ROBO1: variants seen among roughly 807,000 people sequenced by gnomAD.
ROBO1 encodes roundabout homolog 1.
In ROBO1, 149 loss-of-function variants were observed where a neutral mutation model predicts 195.9. The ratio of observed to expected loss-of-function variants is 0.76; its 90% CI spans 0.67 to 0.87. The LOEUF (loss-of-function observed/expected upper bound fraction) is 0.87, where lower values mean the gene tolerates loss of function less well. ROBO1 is among the 40% of genes least tolerant of loss of function. The pLI, the probability that ROBO1 is intolerant of heterozygous loss-of-function variation, is 0.00. For synonymous variants in ROBO1, 816 were observed against 733.2 expected, an observed-to-expected ratio of 1.11 and a Z score of -1.82; for missense variants, 1,933 against 2,068.3, an observed-to-expected ratio of 0.93 and a Z score of 1.27.
At chr3:79,011,068 C>T (rs1425184067) in intron 3 of ROBO1, among the ~76,000 whole-genome samples, 1 of 152,096 alleles carries the variant, frequency 6.6e-6, no homozygotes, top group African/African-American at 2.4e-5. Context: ...GCTAATGGAA[C>T]GGTCTGGATA....
intron 2 of ROBO1, among the ~76,000 whole-genome samples, chr3:79,225,049 C>T (rs1212063460): frequency 1.3e-5 from 2 of 151,764 alleles, no homozygotes; most frequent in Non-Finnish European, 2.9e-5. Context: ...AAAGAGTGAG[C>T]CATGGAGATA....
intron 2 of ROBO1, among the ~76,000 whole-genome samples, chr3:79,503,912 ATATTCT>A (rs1940253225): frequency 6.6e-6 from 1 of 152,196 alleles, no homozygotes; most frequent in Non-Finnish European, 1.5e-5. Flanking sequence ...AGGAAGTTTC[ATATTCT>A]TATTATCTAC....
chr3:79,749,439 G>A (rs1704028726), intron 1 of ROBO1, among the ~76,000 whole-genome samples: 2 of 152,202 alleles, frequency 1.3e-5, no homozygotes, highest in Non-Finnish European at 1.5e-5. Context: ...GCAGAAATTT[G>A]CATAAATAAT....
intron 5 of ROBO1, among the ~76,000 whole-genome samples, chr3:78,733,569 A>C (rs2082328802): frequency 6.6e-6 from 1 of 152,158 alleles, no homozygotes; most frequent in Admixed American, 6.5e-5. Context: ...TTCCAAATTA[A>C]AGATAAAATG....
chr3:79,395,180 G>A (rs920639143), intron 2 of ROBO1, among the ~76,000 whole-genome samples: 21 of 151,818 alleles, frequency 1.4e-4, no homozygotes, highest in Admixed American at 1.2e-3. Context: ...AAAATTCTCC[G>A]GGCGTGGTGG....
At chr3:78,822,093 TACACAC>T (rs113114251) in intron 4 of ROBO1, among the ~76,000 whole-genome samples, 54 of 146,954 alleles carry the variant, frequency 3.7e-4, no homozygotes, top group African/African-American at 1.1e-3. Flanking sequence ...CACATATACA[TACACAC>T]ACACACACAC....
chr3:79,523,915 G>A (rs1044681859), intron 2 of ROBO1, among the ~76,000 whole-genome samples: 12 of 152,110 alleles, frequency 7.9e-5, no homozygotes, highest in African/African-American at 2.9e-4. Context: ...GAAGAATTAT[G>A]ATTTTCATAA....
chr3:79,526,876 G>T (rs1204699606), intron 2 of ROBO1, among the ~76,000 whole-genome samples: 1 of 152,102 alleles, frequency 6.6e-6, no homozygotes, highest in Non-Finnish European at 1.5e-5. Flanking sequence ...TCAAACAAGA[G>T]AACATTTTTC....
At chr3:79,047,989 T>A (rs920064194) in intron 3 of ROBO1, among the ~76,000 whole-genome samples, 3 of 152,156 alleles carry the variant, frequency 2.0e-5, no homozygotes, top group African/African-American at 7.2e-5. Flanking sequence ...TGGAAACTTC[T>A]GGAGTCTTTG....
intron 2 of ROBO1, among the ~76,000 whole-genome samples, chr3:79,165,442 A>G (rs2081047573): frequency 6.6e-6 from 1 of 152,228 alleles, no homozygotes; most frequent in African/African-American, 2.4e-5. Context: ...TGAACTCAGT[A>G]TCCCCTCCAA....
At chr3:79,223,838 ACT>A (rs1042949497) in intron 2 of ROBO1, among the ~76,000 whole-genome samples, 16 of 152,276 alleles carry the variant, frequency 1.1e-4, no homozygotes, top group South Asian at 2.1e-4. Context: ...TACGTAGATG[ACT>A]CTAAAACAAT....
At chr3:78,950,100 T>C (rs1488220989) in intron 3 of ROBO1, among the ~76,000 whole-genome samples, 1 of 152,180 alleles carries the variant, frequency 6.6e-6, no homozygotes, top group Non-Finnish European at 1.5e-5. Flanking sequence ...GAAGTCCGTG[T>C]GGCGATTCCT....
chr3:79,715,723 G>A (rs767806446), intron 1 of ROBO1, among the ~76,000 whole-genome samples: 13 of 151,980 alleles, frequency 8.6e-5, no homozygotes, highest in Admixed American at 3.3e-4. Context: ...GCTATGTGCC[G>A]TGTATTTGTG....
intron 4 of ROBO1, among the ~76,000 whole-genome samples, chr3:78,909,860 A>AT (rs1056903079): frequency 7.9e-5 from 12 of 151,924 alleles, no homozygotes; most frequent in East Asian, 5.8e-4. Context: ...GATATAAAAG[A>AT]TAATTTTAAT....
At chr3:79,683,044 A>G (rs559218049) in intron 1 of ROBO1, among the ~76,000 whole-genome samples, 51 of 152,084 alleles carry the variant, frequency 3.4e-4, no homozygotes, top group Admixed American at 4.6e-4. Context: ...GTCTAAAACA[A>G]TATCTTGTAG....
intron 2 of ROBO1, among the ~76,000 whole-genome samples, chr3:79,578,400 GTTGA>G (rs1257855904): frequency 1.3e-5 from 2 of 152,128 alleles, no homozygotes. Flanking sequence ...TCAGTTGCTG[GTTGA>G]TTAAGGAGTA....
intron 2 of ROBO1, among the ~76,000 whole-genome samples, chr3:79,409,260 T>C (rs960362896): frequency 3.3e-5 from 5 of 152,004 alleles, no homozygotes; most frequent in African/African-American, 1.2e-4. Context: ...ATGAATAGAA[T>C]ATGACAAAAA....
intron 2 of ROBO1, among the ~76,000 whole-genome samples, chr3:79,183,971 T>G (rs1320219894): frequency 6.6e-6 from 1 of 152,220 alleles, no homozygotes; most frequent in African/African-American, 2.4e-5. Context: ...TGTTATTCAA[T>G]TATTATTATT....
rs1384011085 is a variant in ROBO1, at chr3:78,949,302, C to A, written c.173-10375G>T. On this transcript the variant is annotated intron_variant, in intron 3 of 30. Transcript: ENST00000464233. ...TAACCAAAACAGCATGGTACTGGTA[C>A]CAAAACAGAGATATAGATCAATGGA... Among the ~76,000 whole-genome samples, 156 of 116,512 alleles carry A rather than the reference C, an allele frequency of 1.3e-3. 3 individuals carry two copies. Among genetic ancestry groups the A allele is most frequent in the African/African-American group, 4.1e-3 (116 of 28,592 alleles). 76.4% of individuals were successfully genotyped at this position (116,512 alleles called of 152,430 possible).
Sources: gnomAD v4.1 joint callset for allele counts (sites outside exome capture counted in the v4.1 genomes callset) on GRCh38, gnomAD v4.1.1 for gene constraint, MANE v1.5 for transcripts, NCBI Gene and HGNC (gene_info 2026-07-23, HGNC 2026-07-21) for gene names.